The following STAC variants were observed in gnomAD, a reference collection of about 807,000 sequenced individuals.
STAC encodes the protein SH3 and cysteine-rich domain-containing protein.
A neutral mutation model predicts 48.8 loss-of-function variants in STAC; 43 were observed. That is an observed-to-expected ratio of 0.88 (90% CI 0.69 to 1.14). The LOEUF (loss-of-function observed/expected upper bound fraction) is 1.14. Among genes scored for constraint, STAC ranks in the 50% most tolerant of loss-of-function variants. The probability of loss-of-function intolerance (pLI) is 0.00; values close to 1 mark genes in which losing one functional copy is unlikely to be tolerated. For synonymous variants in STAC, 193 were observed against 179.5 expected, an observed-to-expected ratio of 1.07 and a Z score of -0.60; for missense variants, 497 against 504.0, an observed-to-expected ratio of 0.99 and a Z score of 0.13.
At chr3:36,526,634 C>G (rs1343151792) in intron 8 of STAC, among the ~76,000 whole-genome samples, 1 of 152,160 alleles carries the variant, frequency 6.6e-6, no homozygotes, top group East Asian at 1.9e-4. Context: ...ATAAGTGATA[C>G]AGTCTCAACT....
At chr3:36,460,305 A>G (rs1234929664) in intron 2 of STAC, among the ~76,000 whole-genome samples, 2 of 152,066 alleles carry the variant, frequency 1.3e-5, no homozygotes, top group Non-Finnish European at 2.9e-5. Flanking sequence ...AACTGGAGCA[A>G]TTTGCCTCAT....
chr3:36,474,668 AT>A (rs771660717), intron 2 of STAC, among the ~76,000 whole-genome samples: 1 of 152,234 alleles, frequency 6.6e-6, no homozygotes, highest in Non-Finnish European at 1.5e-5. Context: ...TGCTGAGATC[AT>A]AAGAGGAGAG....
intron 10 of STAC, among the ~76,000 whole-genome samples, chr3:36,533,840 C>A (rs1018073827): frequency 5.9e-5 from 9 of 152,022 alleles, no homozygotes; most frequent in African/African-American, 2.2e-4. Flanking sequence ...CCAAATGAGT[C>A]TGCTCATAAT....
chr3:36,448,087 T>A lies in STAC; in HGVS notation c.388+4447T>A, dbSNP rs546128027. Among the ~76,000 whole-genome samples, 37 of 152,334 alleles carry A rather than the reference T, an allele frequency of 2.4e-4. 1 individual carries two copies. The South Asian group carries it at 7.7e-3, about 32-fold the overall frequency. ...GCAGTGTAATGTCTGGTCCAACAGA[T>A]GCAAATAGTTCCTTTCTCTTCTTTG... On this transcript the variant is annotated intron_variant, in intron 2 of 10. Transcript: ENST00000273183.
intron 8 of STAC, among the ~76,000 whole-genome samples, chr3:36,523,712 A>T (rs1269070834): frequency 6.6e-6 from 1 of 152,226 alleles, no homozygotes; most frequent in Non-Finnish European, 1.5e-5. Context: ...AGCATGAAAC[A>T]ACTGAGGGCA....
intron 1 of STAC, among the ~76,000 whole-genome samples, chr3:36,422,185 T>G (rs1361199004): frequency 6.6e-6 from 1 of 152,166 alleles, no homozygotes; most frequent in African/African-American, 2.4e-5. Flanking sequence ...GTGAGAAAAG[T>G]CTCCTATGAT....
intron 1 of STAC, among the ~76,000 whole-genome samples, chr3:36,420,085 A>G (rs1700413373): frequency 6.6e-6 from 1 of 152,214 alleles, no homozygotes; most frequent in Non-Finnish European, 1.5e-5. Context: ...TTAAAATTCT[A>G]TTTAACACTA....
chr3:36,533,072 G>T (rs1251883317), intron 10 of STAC, among the ~76,000 whole-genome samples: 1 of 152,188 alleles, frequency 6.6e-6, no homozygotes, highest in Non-Finnish European at 1.5e-5. Context: ...CCAAGTCAAG[G>T]CTTTCCACTA....
At chr3:36,545,731 C>T (rs1699429777) in intron 10 of STAC, among the ~76,000 whole-genome samples, 1 of 152,094 alleles carries the variant, frequency 6.6e-6, no homozygotes, top group Non-Finnish European at 1.5e-5. Context: ...GAAATAGTTC[C>T]CTTTGACTTC....
intron 8 of STAC, among the ~76,000 whole-genome samples, chr3:36,510,967 TTATA>T (rs763356346): frequency 1.8e-4 from 27 of 149,914 alleles, no homozygotes; most frequent in Non-Finnish European, 3.3e-4. Context: ...TAAAATATAT[TTATA>T]TATATATATA....
chr3:36,397,905 C>G (rs955182309), intron 1 of STAC, among the ~76,000 whole-genome samples: 1 of 149,942 alleles, frequency 6.7e-6, no homozygotes, highest in African/African-American at 2.5e-5. Context: ...TTGCATGCAG[C>G]AGGCAGCAAA....
chr3:36,520,748 A>G (rs918453156), intron 8 of STAC, among the ~76,000 whole-genome samples: 5 of 152,186 alleles, frequency 3.3e-5, no homozygotes, highest in East Asian at 1.9e-4. Flanking sequence ...CAAGAAACCC[A>G]GATCTTCCCA....
chr3:36,412,544 G>T (rs183160852), intron 1 of STAC, among the ~76,000 whole-genome samples: 29 of 152,212 alleles, frequency 1.9e-4, no homozygotes, highest in Non-Finnish European at 3.1e-4. Flanking sequence ...ACTGAGAACT[G>T]CTTTAAGAAA....
rs1239860789 is a variant in STAC, at chr3:36,547,335, G to A, written c.*1046G>A. The A allele has an allele frequency of 6.6e-6, 1 of 152,456 alleles. No individual in the cohort carries two copies. Among genetic ancestry groups the A allele is most frequent in the African/African-American group, 2.4e-5 (1 of 41,374 alleles). 9.4% of individuals were successfully genotyped at this position (152,456 alleles called of 1,614,324 possible). ...CAAATTGGAGTCCATTCTTCTTTAG[G>A]GCAGTATATGAAATCCTAGCAGATG... On this transcript the variant is annotated 3_prime_UTR_variant, in exon 11 of 11. Coordinates refer to ENST00000273183, the MANE Select transcript of STAC (RefSeq NM_003149.3).
At chr3:36,533,790 C>T (rs187615605) in intron 10 of STAC, among the ~76,000 whole-genome samples, 252 of 152,154 alleles carry the variant, frequency 1.7e-3, no homozygotes, top group African/African-American at 5.7e-3. Context: ...CAGCTAGACA[C>T]GTTCAAGATG....
At chr3:36,412,822 T>C (rs1700227423) in intron 1 of STAC, among the ~76,000 whole-genome samples, 1 of 152,204 alleles carries the variant, frequency 6.6e-6, no homozygotes, top group African/African-American at 2.4e-5. Flanking sequence ...GCAGTATGTC[T>C]TAAAATCTGG....
chr3:36,504,218 G>A (rs536785035), intron 6 of STAC, among the ~76,000 whole-genome samples, 175 bp from the exon 7 acceptor site: 20 of 152,316 alleles, frequency 1.3e-4, no homozygotes, highest in Middle Eastern at 6.8e-3. Flanking sequence ...TGGGGAGGCA[G>A]GAGAAGAGAC....
Position 36,517,932 on chromosome 3 carries a change from CACAA to C in STAC, c.921-10763_921-10760del, listed in dbSNP as rs528644369. Reference sequence around the variant, plus strand: ...TCAAGTACACATTCATTCACACACACACAAGCACACACACATTGTTAGCCAAAGC... The same window carrying C: ...TCAAGTACACATTCATTCACACACACGCACACACACATTGTTAGCCAAAGC... On this transcript the variant is annotated intron_variant, in intron 8 of 10. Transcript: ENST00000273183. Among the ~76,000 whole-genome samples, 352 of 152,224 alleles carry C rather than the reference CACAA, an allele frequency of 2.3e-3. 2 individuals carry two copies. The highest frequency in any genetic ancestry group is 4.8e-3 in the South Asian group (23 of 4,824).
At chr3:36,541,707 T>A (rs565883358) in intron 10 of STAC, among the ~76,000 whole-genome samples, 57 of 152,310 alleles carry the variant, frequency 3.7e-4, no homozygotes, top group African/African-American at 1.2e-3. Context: ...GACCGTAAAC[T>A]GCCTGTGTCC....
Sources: gnomAD v4.1 joint callset for allele counts (sites outside exome capture counted in the v4.1 genomes callset) on GRCh38, gnomAD v4.1.1 for gene constraint, MANE v1.5 for transcripts, NCBI Gene and HGNC (gene_info 2026-07-23, HGNC 2026-07-21) for gene names.